LCORL: variants seen among roughly 807,000 people sequenced by gnomAD.
The protein encoded by LCORL is ligand-dependent nuclear receptor corepressor-like protein.
A neutral mutation model predicts 141.8 loss-of-function variants in LCORL; 41 were observed. The observed-to-expected ratio is 0.29, with a 90% CI of 0.23 to 0.38. LCORL has a LOEUF of 0.38. LCORL is among the 10% of genes least tolerant of loss of function. The probability of loss-of-function intolerance (pLI) is 1.00; values close to 1 mark genes in which losing one functional copy is unlikely to be tolerated. For missense variants in LCORL, 1,759 were observed against 2,035.0 expected (o/e 0.86, Z 2.61); for synonymous variants, 618 against 694.1 (o/e 0.89, Z 1.72).
At chr4:17,990,096 GT>G (rs372033680) in intron 1 of LCORL, among the ~76,000 whole-genome samples, 3,359 of 122,586 alleles carry the variant, frequency 0.027, 73 homozygotes, top group East Asian at 0.13. Flanking sequence ...AACTCTCTGC[GT>G]TTTTTTTTTT....
intron 5 of LCORL, among the ~76,000 whole-genome samples, chr4:17,887,894 C>T (rs1238657667): frequency 6.6e-6 from 1 of 152,014 alleles, no homozygotes; most frequent in East Asian, 1.9e-4. Context: ...GATTCATACT[C>T]TTCTCCTCCT....
chr4:17,847,863 T>C (rs1560245183), intron 7 of LCORL, among the ~76,000 whole-genome samples: 1 of 152,178 alleles, frequency 6.6e-6, no homozygotes, highest in East Asian at 1.9e-4. Flanking sequence ...TAAGGCAAGC[T>C]ATAAAAACAC....
At chr4:17,957,428 G>A (rs751552924) in intron 4 of LCORL, among the ~76,000 whole-genome samples, 2 of 151,938 alleles carry the variant, frequency 1.3e-5, no homozygotes, top group Non-Finnish European at 2.9e-5. Flanking sequence ...TCAGAGAAGA[G>A]ACTGAGGGAT....
intron 7 of LCORL, among the ~76,000 whole-genome samples, chr4:17,857,146 G>C (rs944832143): frequency 6.6e-6 from 1 of 152,156 alleles, no homozygotes; most frequent in African/African-American, 2.4e-5. Context: ...CAGGCTGCAT[G>C]ATACGGAGAG....
intron 4 of LCORL, among the ~76,000 whole-genome samples, chr4:17,952,110 A>T (rs1703002346): frequency 6.6e-6 from 1 of 152,192 alleles, no homozygotes; most frequent in African/African-American, 2.4e-5. Context: ...AAAGTACTTA[A>T]ATATAAAGTA....
chr4:17,882,385 T>C, intron 6 of LCORL: 1 of 984,540 alleles, frequency 1.0e-6, no homozygotes, highest in Non-Finnish European at 1.2e-6. Context: ...ATATGCTTTA[T>C]AACATTTTAC....
intron 6 of LCORL, chr4:17,883,011 C>T: frequency 1.0e-6 from 1 of 972,928 alleles, no homozygotes; most frequent in South Asian, 4.8e-5. Flanking sequence ...TCTATAGCTG[C>T]TGGGGTTAAC....
exon 7 of LCORL, chr4:17,877,929 T>C (rs771552484): frequency 4.9e-6 from 6 of 1,230,600 alleles, no homozygotes; most frequent in Non-Finnish European, 6.1e-6. Context: ...ACCAGGGCTT[T>C]GTTTTTCGTT....
chr4:17,921,307 C>T (rs1416462916), intron 4 of LCORL, among the ~76,000 whole-genome samples: 1 of 152,112 alleles, frequency 6.6e-6, no homozygotes, highest in African/African-American at 2.4e-5. Flanking sequence ...AGATTACAGG[C>T]GTTGAGCCAC....
exon 7 of LCORL, chr4:17,874,211 T>C (rs745795553): frequency 2.4e-5 from 29 of 1,233,898 alleles, no homozygotes; most frequent in Non-Finnish European, 2.7e-5. Flanking sequence ...TCCTTTTTAA[T>C]CTAGCTATTG....
At chr4:17,849,932 G>A (rs1187962474) in intron 7 of LCORL, among the ~76,000 whole-genome samples, 1 of 151,510 alleles carries the variant, frequency 6.6e-6, no homozygotes, top group Non-Finnish European at 1.5e-5. Context: ...CCAAAACAGA[G>A]ATATAGATCA....
intron 1 of LCORL, among the ~76,000 whole-genome samples, chr4:17,984,329 T>C (rs1718558578): frequency 1.3e-5 from 2 of 151,992 alleles, no homozygotes; most frequent in East Asian, 3.9e-4. Context: ...TTTGGAAGAG[T>C]TTCAGTAGCA....
intron 7 of LCORL, among the ~76,000 whole-genome samples, chr4:17,847,070 G>T (rs943392499): frequency 6.6e-6 from 1 of 152,164 alleles, no homozygotes; most frequent in Non-Finnish European, 1.5e-5. Flanking sequence ...TCACAGACAC[G>T]TGACAGTCAA....
At chr4:17,900,719 A>G (rs1034567143) in intron 5 of LCORL, among the ~76,000 whole-genome samples, 6 of 152,224 alleles carry the variant, frequency 3.9e-5, no homozygotes, top group Admixed American at 1.3e-4. Context: ...ATATTTCTGA[A>G]TAAACTAATC....
chr4:17,988,612 T>C (rs967041902), intron 1 of LCORL, among the ~76,000 whole-genome samples: 4 of 144,416 alleles, frequency 2.8e-5, no homozygotes, highest in Non-Finnish European at 6.0e-5. Context: ...ATCATTTCTT[T>C]AATAAAGGTC....
intron 5 of LCORL, among the ~76,000 whole-genome samples, chr4:17,891,935 C>G (rs547569787): frequency 1.4e-4 from 22 of 152,032 alleles, no homozygotes; most frequent in Non-Finnish European, 3.1e-4. Context: ...ACTTTTCTGC[C>G]TTTCCCAAGT....
chr4:17,975,445 G>C (rs146586332), intron 1 of LCORL, among the ~76,000 whole-genome samples: 1 of 151,890 alleles, frequency 6.6e-6, no homozygotes, highest in Non-Finnish European at 1.5e-5. Flanking sequence ...ACTCAGGCTG[G>C]AGTGCAGTGG....
intron 7 of LCORL, among the ~76,000 whole-genome samples, chr4:17,848,872 G>A (rs1305139798): frequency 3.3e-5 from 5 of 152,216 alleles, no homozygotes; most frequent in Non-Finnish European, 7.3e-5. Context: ...CACACCAGGA[G>A]ATTATATCCC....
chr4:17,845,575 G>T (rs1722831948), exon 8 of LCORL: 1 of 506,618 alleles, frequency 2.0e-6, no homozygotes, highest in Non-Finnish European at 3.3e-6. Context: ...AACATATAAA[G>T]AATATAATCA....
Sources: allele counts gnomAD v4.1 joint callset (sites outside exome capture counted in the v4.1 genomes callset), GRCh38; gene constraint gnomAD v4.1.1; transcripts MANE v1.5; gene names NCBI Gene and HGNC (gene_info 2026-07-23, HGNC 2026-07-21).